Variants in PTPRD observed in about 807,000 individuals in gnomAD.
PTPRD encodes receptor-type tyrosine-protein phosphatase delta.
PTPRD carries 34 observed loss-of-function variants against 214.5 expected under a neutral mutation model. The observed-to-expected ratio is 0.16, with a 90% confidence interval of 0.12 to 0.21. The LOEUF is 0.21. PTPRD is among the 10% of genes least tolerant of loss of function. The pLI, the probability that PTPRD is intolerant of heterozygous loss-of-function variation, is 1.00. For synonymous variants in PTPRD, 1,128 were observed against 845.7 expected (o/e 1.33, Z -5.79); for missense variants, 2,545 against 2,398.7 (o/e 1.06, Z -1.27).
intron 3 of PTPRD, among the ~76,000 whole-genome samples, chr9:10,270,340 A>G (rs1193968609): frequency 6.6e-6 from 1 of 152,190 alleles, no homozygotes; most frequent in Admixed American, 6.5e-5. Flanking sequence ...ATAGGATGTT[A>G]TAAGGCAATG....
At chr9:8,612,637 GAGA>G (rs2095490390) in intron 14 of PTPRD, among the ~76,000 whole-genome samples, 1 of 152,222 alleles carries the variant, frequency 6.6e-6, no homozygotes, top group African/African-American at 2.4e-5. Flanking sequence ...TGGACACAGG[GAGA>G]AGGATGGCGG....
chr9:9,915,376 G>C (rs768430606), intron 5 of PTPRD, among the ~76,000 whole-genome samples: 4 of 151,490 alleles, frequency 2.6e-5, no homozygotes, highest in Admixed American at 6.6e-5. Context: ...CTAGTAAACA[G>C]ATACCAATCA....
At chr9:9,535,031 C>T (rs1380278149) in intron 8 of PTPRD, among the ~76,000 whole-genome samples, 3 of 152,008 alleles carry the variant, frequency 2.0e-5, no homozygotes, top group Non-Finnish European at 2.9e-5. Context: ...AAATAAAATG[C>T]AAGATATAAG....
intron 11 of PTPRD, among the ~76,000 whole-genome samples, chr9:8,907,902 T>A (rs1246989432): frequency 6.6e-6 from 1 of 152,064 alleles, no homozygotes; most frequent in Non-Finnish European, 1.5e-5. Context: ...AAGTAATAGC[T>A]GAAACTTTAT....
intron 8 of PTPRD, among the ~76,000 whole-genome samples, chr9:9,465,757 G>A (rs2094098234): frequency 6.6e-6 from 1 of 152,072 alleles, no homozygotes; most frequent in Non-Finnish European, 1.5e-5. Context: ...ATTTCTTGCT[G>A]GTGACAGTAT....
chr9:9,147,930 G>C (rs768529807), intron 10 of PTPRD, among the ~76,000 whole-genome samples: 28 of 152,258 alleles, frequency 1.8e-4, no homozygotes, highest in African/African-American at 4.1e-4. Context: ...CTCAGCAATT[G>C]GTGCTTTACT....
At chr9:9,713,631 G>A (rs2097771989) in intron 7 of PTPRD, among the ~76,000 whole-genome samples, 1 of 152,116 alleles carries the variant, frequency 6.6e-6, no homozygotes, top group Non-Finnish European at 1.5e-5. Context: ...GAAAGGATGG[G>A]TCGATTTAGA....
chr9:9,889,711 G>A (rs560685245), intron 5 of PTPRD, among the ~76,000 whole-genome samples: 1 of 152,208 alleles, frequency 6.6e-6, no homozygotes, highest in African/African-American at 2.4e-5. Flanking sequence ...TGTCCATAGA[G>A]GGCCCTGGAG....
At chr9:8,575,948 C>T (rs531074971) in intron 14 of PTPRD, among the ~76,000 whole-genome samples, 1 of 152,258 alleles carries the variant, frequency 6.6e-6, no homozygotes, top group Non-Finnish European at 1.5e-5. Flanking sequence ...AGATGTACTA[C>T]AAAGATTTCA....
intron 31 of PTPRD, among the ~76,000 whole-genome samples, chr9:8,467,669 T>C (rs2096570253): frequency 6.6e-6 from 1 of 151,776 alleles, no homozygotes; most frequent in Admixed American, 6.6e-5. Context: ...TAAGCTCTGA[T>C]ACTCTAAATT....
At chr9:9,337,901 T>C (rs1256870761) in intron 9 of PTPRD, among the ~76,000 whole-genome samples, 1 of 152,220 alleles carries the variant, frequency 6.6e-6, no homozygotes, top group Non-Finnish European at 1.5e-5. Context: ...TGTTATGATG[T>C]AATAAAATGC....
intron 5 of PTPRD, among the ~76,000 whole-genome samples, chr9:9,804,625 A>G (rs1377146599): frequency 7.2e-5 from 11 of 152,062 alleles, no homozygotes; most frequent in South Asian, 6.2e-4. Flanking sequence ...ATTCATACAT[A>G]AAATTTTAAA....
chr9:9,609,150 G>A (rs2154343406), intron 7 of PTPRD, among the ~76,000 whole-genome samples: 1 of 152,230 alleles, frequency 6.6e-6, no homozygotes, highest in Non-Finnish European at 1.5e-5. Context: ...TTCTCGTAGT[G>A]ATTATCCCTG....
intron 39 of PTPRD, among the ~76,000 whole-genome samples, chr9:8,355,113 G>C (rs1168072646): frequency 1.3e-5 from 2 of 152,086 alleles, no homozygotes; most frequent in Non-Finnish European, 2.9e-5. Flanking sequence ...CGTTCATGAA[G>C]GCTTGGTGCC....
intron 7 of PTPRD, among the ~76,000 whole-genome samples, chr9:9,669,714 C>T (rs1194207217): frequency 1.3e-5 from 2 of 152,022 alleles, no homozygotes; most frequent in African/African-American, 4.8e-5. Flanking sequence ...GTTTGAATAA[C>T]TTCATTGTTC....
intron 2 of PTPRD, among the ~76,000 whole-genome samples, chr9:10,480,769 G>A (rs190615043): frequency 2.3e-4 from 35 of 152,032 alleles, no homozygotes; most frequent in Admixed American, 2.2e-3. Context: ...AAAAGAAAGA[G>A]TTCCACAAGC....
intron 3 of PTPRD, among the ~76,000 whole-genome samples, chr9:10,058,262 G>C (rs1463499774): frequency 6.6e-6 from 1 of 151,962 alleles, no homozygotes; most frequent in Non-Finnish European, 1.5e-5. Context: ...ATTAACACAA[G>C]TAACTATAAG....
At chr9:9,161,692 T>C (rs963219815) in intron 10 of PTPRD, among the ~76,000 whole-genome samples, 7 of 152,150 alleles carry the variant, frequency 4.6e-5, no homozygotes, top group African/African-American at 1.7e-4. Context: ...GTGATAAAGA[T>C]ACAGCTGTAC....
At chr9:8,871,526 T>G (rs1022188554) in intron 11 of PTPRD, among the ~76,000 whole-genome samples, 5 of 152,176 alleles carry the variant, frequency 3.3e-5, no homozygotes, top group East Asian at 1.9e-4. Context: ...AATTTGCATG[T>G]GCTGAGGAAG....
Sources: allele counts gnomAD v4.1 joint callset (sites outside exome capture counted in the v4.1 genomes callset), GRCh38; gene constraint gnomAD v4.1.1; transcripts MANE v1.5; gene names NCBI Gene and HGNC (gene_info 2026-07-23, HGNC 2026-07-21).